CNTNAP2: variants seen among roughly 807,000 people sequenced by gnomAD.
The protein encoded by CNTNAP2 is contactin-associated protein-like 2.
CNTNAP2 carries 98 observed loss-of-function variants against 155.2 expected under a neutral mutation model. The ratio of observed to expected loss-of-function variants is 0.63; its 90% CI spans 0.54 to 0.75. CNTNAP2 has a LOEUF of 0.75. Ranked by LOEUF, CNTNAP2 falls within the 30% of genes least tolerant of loss-of-function variation. The probability of loss-of-function intolerance (pLI) is 0.00; values close to 1 mark genes in which losing one functional copy is unlikely to be tolerated. For missense variants in CNTNAP2, 1,727 were observed against 1,688.1 expected (o/e 1.02, Z -0.40); for synonymous variants, 651 against 631.2 (o/e 1.03, Z -0.47).
chr7:147,118,787 G>T (rs1215654891), intron 5 of CNTNAP2, among the ~76,000 whole-genome samples: 1 of 152,114 alleles, frequency 6.6e-6, no homozygotes, highest in African/African-American at 2.4e-5. Context: ...TATTAAATTT[G>T]ATGTTAACAC....
In CNTNAP2 at chr7:147,264,050, A is replaced by G. The variant is rs564339081; in HGVS notation, c.1349-36091A>G. ...CCTAGGAAGCTCTATAGATGTAAGC[A>G]ATGTGTTTGCTTTATTTGACTGCTA... On this transcript the variant is annotated intron_variant, in intron 8 of 23. Transcript: ENST00000361727. 2.8e-4 allele frequency among the ~76,000 whole-genome samples: 43 copies of G among 152,344 alleles called. 2 individuals are homozygous for G. The South Asian group carries it at 8.7e-3, about 31-fold the overall frequency.
At chr7:147,713,624 A>C (rs2117018937) in intron 13 of CNTNAP2, among the ~76,000 whole-genome samples, 1 of 152,294 alleles carries the variant, frequency 6.6e-6, no homozygotes, top group South Asian at 2.1e-4. Context: ...TTTTGTTTGA[A>C]CATACGTTTT....
intron 3 of CNTNAP2, among the ~76,000 whole-genome samples, chr7:147,030,509 T>C (rs1799009602): frequency 6.6e-6 from 1 of 152,204 alleles, no homozygotes; most frequent in South Asian, 2.1e-4. Flanking sequence ...AGCTAGTACA[T>C]AGATAAGTAT....
chr7:148,413,442 A>ATATATATATATATATG lies in CNTNAP2; in HGVS notation c.3797-1970_3797-1969insATATATATATGTATAT, dbSNP rs1563079542. Reference sequence around the variant, plus strand: ...TATATATATATATATATATATATATATATATTGCTCCATAGTTTTCTTGTA... The same window carrying ATATATATATATATATG: ...TATATATATATATATATATATATATATATATATATATATATGTATATTGCTCCATAGTTTTCTTGTA... On this transcript the variant is annotated intron_variant, in intron 23 of 23. Coordinates refer to ENST00000361727, the MANE Select transcript of CNTNAP2 (RefSeq NM_014141.6). Among the ~76,000 whole-genome samples, 46 of 106,420 alleles carry ATATATATATATATATG rather than the reference A, an allele frequency of 4.3e-4. 3 individuals carry two copies. The highest frequency in any genetic ancestry group is 1.8e-3 in the African/African-American group (44 of 24,166). 69.8% of individuals were successfully genotyped at this position (106,420 alleles called of 152,430 possible).
intron 14 of CNTNAP2, among the ~76,000 whole-genome samples, chr7:147,938,527 G>T (rs1432682574): frequency 6.6e-6 from 1 of 152,042 alleles, no homozygotes; most frequent in Non-Finnish European, 1.5e-5. Flanking sequence ...AAAATTCAGG[G>T]AGATATTGGA....
chr7:146,712,321 CTTAT>C (rs1801105922), intron 1 of CNTNAP2, among the ~76,000 whole-genome samples: 1 of 126,266 alleles, frequency 7.9e-6, no homozygotes, highest in Non-Finnish European at 1.6e-5. Flanking sequence ...GTATACATAT[CTTAT>C]GTATACTATA....
intron 15 of CNTNAP2, among the ~76,000 whole-genome samples, chr7:148,067,491 C>G (rs114165553): frequency 0.016 from 2,489 of 152,350 alleles, 62 homozygotes; most frequent in African/African-American, 0.057. Flanking sequence ...AGCACTTGCT[C>G]TGGTCGAGGT....
intron 2 of CNTNAP2, among the ~76,000 whole-genome samples, chr7:146,833,498 G>T (rs760716010): frequency 6.6e-6 from 1 of 152,070 alleles, no homozygotes; most frequent in Non-Finnish European, 1.5e-5. Flanking sequence ...TTACTCGCCC[G>T]ATGCCTGTGC....
intron 15 of CNTNAP2, among the ~76,000 whole-genome samples, chr7:147,982,383 A>G (rs12537012): frequency 6.6e-6 from 1 of 152,064 alleles, no homozygotes; most frequent in East Asian, 1.9e-4. Context: ...GCTTCTTCCA[A>G]GGCCATGCCA....
At chr7:147,708,109 A>G (rs1419005859) in intron 13 of CNTNAP2, among the ~76,000 whole-genome samples, 1 of 152,146 alleles carries the variant, frequency 6.6e-6, no homozygotes, top group South Asian at 2.1e-4. Flanking sequence ...GTTTGAGAGA[A>G]GGCAGCAGCT....
chr7:147,315,570 C>T (rs112637736), intron 9 of CNTNAP2, among the ~76,000 whole-genome samples: 2 of 151,434 alleles, frequency 1.3e-5, no homozygotes, highest in African/African-American at 4.9e-5. Context: ...CAAGCTCCGC[C>T]TCCCGGGTTC....
chr7:148,124,404 T>C (rs1026904020), intron 16 of CNTNAP2, among the ~76,000 whole-genome samples: 2 of 152,170 alleles, frequency 1.3e-5, no homozygotes, highest in South Asian at 4.1e-4. Flanking sequence ...CATGTATTTT[T>C]TCAGTTACCC....
intron 8 of CNTNAP2, among the ~76,000 whole-genome samples, chr7:147,296,290 C>T (rs542107267): frequency 6.6e-6 from 1 of 152,246 alleles, no homozygotes; most frequent in Admixed American, 6.5e-5. Flanking sequence ...ACAATAAATC[C>T]TACTTTGTAC....
intron 1 of CNTNAP2, among the ~76,000 whole-genome samples, chr7:146,474,864 T>C (rs943858703): frequency 1.3e-5 from 2 of 152,212 alleles, no homozygotes; most frequent in African/African-American, 4.8e-5. Flanking sequence ...TCTCTACTTA[T>C]CACTGTAACC....
chr7:147,251,211 A>G (rs964933603), intron 8 of CNTNAP2, among the ~76,000 whole-genome samples: 33 of 152,254 alleles, frequency 2.2e-4, no homozygotes, highest in African/African-American at 6.7e-4. Flanking sequence ...CTTAGCAGAC[A>G]CCATCTTTCT....
At chr7:146,861,591 A>G (rs1251573718) in intron 3 of CNTNAP2, among the ~76,000 whole-genome samples, 1 of 152,118 alleles carries the variant, frequency 6.6e-6, no homozygotes, top group Non-Finnish European at 1.5e-5. Context: ...TTGTGAATCC[A>G]TCTCTTAGCA....
chr7:146,154,401 C>T (rs1397485278), intron 1 of CNTNAP2, among the ~76,000 whole-genome samples: 1 of 152,160 alleles, frequency 6.6e-6, no homozygotes, highest in African/African-American at 2.4e-5. Context: ...TTTGTTTCAT[C>T]ATATGCACCA....
intron 9 of CNTNAP2, among the ~76,000 whole-genome samples, chr7:147,330,110 A>G (rs575374196): frequency 6.6e-6 from 1 of 152,244 alleles, no homozygotes; most frequent in East Asian, 1.9e-4. Context: ...GTCACCAGAA[A>G]GACCAAATGA....
At chr7:146,132,189 A>T (rs946028012) in intron 1 of CNTNAP2, among the ~76,000 whole-genome samples, 16 of 152,256 alleles carry the variant, frequency 1.1e-4, no homozygotes, top group African/African-American at 3.8e-4. Context: ...TGATCAATTT[A>T]CTTAGAACAT....
Sources: gnomAD v4.1 joint callset for allele counts (sites outside exome capture counted in the v4.1 genomes callset) on GRCh38, gnomAD v4.1.1 for gene constraint, MANE v1.5 for transcripts, NCBI Gene and HGNC (gene_info 2026-07-23, HGNC 2026-07-21) for gene names.